Variants in SNX2 observed in about 807,000 individuals in gnomAD.
SNX2 encodes the protein sorting nexin-2.
In SNX2, 25 loss-of-function variants were observed where a neutral mutation model predicts 69.9. That is an observed-to-expected ratio of 0.36 (90% CI 0.26 to 0.50). The LOEUF (loss-of-function observed/expected upper bound fraction) is 0.50, where lower values mean the gene tolerates loss of function less well. Ranked by LOEUF, SNX2 falls within the 20% of genes least tolerant of loss-of-function variation. The pLI, the probability that SNX2 is intolerant of heterozygous loss-of-function variation, is 0.97. For synonymous variants in SNX2, 229 were observed against 200.4 expected (o/e 1.14, Z -1.20); for missense variants, 551 against 613.3 (o/e 0.90, Z 1.07).
intron 1 of SNX2, among the ~76,000 whole-genome samples, chr5:122,781,942 GCT>G (rs1334744497): frequency 6.6e-6 from 1 of 151,858 alleles, no homozygotes; most frequent in African/African-American, 2.4e-5. Flanking sequence ...TATTACCTAT[GCT>G]CTTGAGATTA....
chr5:122,786,523 A>G (rs1178324058), intron 1 of SNX2, among the ~76,000 whole-genome samples: 1 of 152,066 alleles, frequency 6.6e-6, no homozygotes. Flanking sequence ...TCTGCAGCTT[A>G]AAATATACAT....
chr5:122,831,009 CAAAA>C lies in SNX2; in HGVS notation c.*1382_*1385del, dbSNP rs58159922. On this transcript the variant is annotated 3_prime_UTR_variant, in exon 15 of 15. Transcript: ENST00000379516. ...AGGCAACAAAAGCAAAACTCCATCT[CAAAA>C]AAAAAAAAAAAAAAAAAAAAGATGA... 1.0e-3 allele frequency among the ~76,000 whole-genome samples: 65 copies of C among 63,012 alleles called. No homozygotes were observed. Among genetic ancestry groups the C allele is most frequent in the African/African-American group, 1.9e-3 (32 of 16,770 alleles). The allele number at this position is 63,012 out of a possible 152,430, so 41.3% of individuals were successfully genotyped here.
rs1459419667 is a variant in SNX2, at chr5:122,833,989, T to C, written c.*4341T>C. On this transcript the variant is annotated 3_prime_UTR_variant, in exon 15 of 15. Coordinates refer to ENST00000379516, the MANE Select transcript of SNX2 (RefSeq NM_003100.4). ...TATTGCTTGAAGGAAGTTTATAACCTGTCTAGAACAACTTTCTCAATTTTA... is the reference window on the plus strand; with the variant it reads ...TATTGCTTGAAGGAAGTTTATAACCCGTCTAGAACAACTTTCTCAATTTTA... 1.3e-5 allele frequency: 2 copies of C among 152,236 alleles called. No individual in the cohort carries two copies. Among genetic ancestry groups the C allele is most frequent in the Non-Finnish European group, 2.9e-5 (2 of 68,034 alleles). 9.4% of individuals were successfully genotyped at this position (152,236 alleles called of 1,614,324 possible).
At chr5:122,782,628 C>G (rs544382466) in intron 1 of SNX2, among the ~76,000 whole-genome samples, 7 of 152,048 alleles carry the variant, frequency 4.6e-5, no homozygotes, top group African/African-American at 1.7e-4. Flanking sequence ...CCTCCACCTC[C>G]CCAGTTCAAG....
intron 3 of SNX2, among the ~76,000 whole-genome samples, chr5:122,800,450 AG>A (rs2150007758): frequency 6.6e-6 from 1 of 152,350 alleles, no homozygotes; most frequent in Non-Finnish European, 1.5e-5. Context: ...CATAATATTA[AG>A]GGAAATAAGT....
intron 1 of SNX2, among the ~76,000 whole-genome samples, chr5:122,778,268 G>A (rs1050784017): frequency 2.0e-5 from 3 of 152,132 alleles, no homozygotes; most frequent in Non-Finnish European, 4.4e-5. Flanking sequence ...ATTGTGAATA[G>A]TGCTGCAGTA....
At chr5:122,792,383 C>T (rs961788318) in intron 1 of SNX2, among the ~76,000 whole-genome samples, 1 of 152,160 alleles carries the variant, frequency 6.6e-6, no homozygotes, top group African/African-American at 2.4e-5. Context: ...CACCTGAGGT[C>T]AGGATTTCAA....
chr5:122,800,627 T>G (rs1753484801), intron 3 of SNX2, among the ~76,000 whole-genome samples: 1 of 152,230 alleles, frequency 6.6e-6, no homozygotes, highest in South Asian at 2.1e-4. Context: ...GTGATGATGC[T>G]TATTTCTGAT....
intron 1 of SNX2, among the ~76,000 whole-genome samples, chr5:122,782,132 A>AAT: frequency 6.6e-6 from 1 of 152,330 alleles, no homozygotes; most frequent in Non-Finnish European, 1.5e-5. Flanking sequence ...TCATCCCTTT[A>AAT]ATATATATTC....
chr5:122,820,266 T>G (rs1310998381), intron 11 of SNX2, among the ~76,000 whole-genome samples: 44 of 152,166 alleles, frequency 2.9e-4, no homozygotes, highest in African/African-American at 9.4e-4. Flanking sequence ...GGCCGGGCAC[T>G]GTGGCTCACG....
intron 8 of SNX2, 21 bp from the exon 9 acceptor site, chr5:122,816,894 T>G: frequency 6.6e-7 from 1 of 1,510,816 alleles, no homozygotes. Context: ...TTGTTTGCCC[T>G]TATTTGTCAT....
intron 1 of SNX2, among the ~76,000 whole-genome samples, chr5:122,784,366 A>G (rs1236545498): frequency 6.6e-6 from 1 of 151,930 alleles, no homozygotes. Context: ...GCTTAATCAA[A>G]TGAAGTTCTC....
At chr5:122,816,824 G>T in intron 8 of SNX2, 91 bp from the exon 9 acceptor site, 1 of 527,748 alleles carries the variant, frequency 1.9e-6, no homozygotes. Flanking sequence ...ATGTGGGGGG[G>T]AGGGGGGAGG....
intron 6 of SNX2, among the ~76,000 whole-genome samples, chr5:122,805,613 T>G (rs1455559750): frequency 6.6e-6 from 1 of 152,110 alleles, no homozygotes; most frequent in East Asian, 1.9e-4. Flanking sequence ...AAGACCCCTT[T>G]GTAGGGATGG....
At chr5:122,825,001 TACGGTG>T (rs1754121937) in intron 11 of SNX2, among the ~76,000 whole-genome samples, 1 of 152,132 alleles carries the variant, frequency 6.6e-6, no homozygotes, top group Non-Finnish European at 1.5e-5. Flanking sequence ...CCCATGGTCA[TACGGTG>T]ACAAAACTAA....
chr5:122,808,345 G>C lies in SNX2; in HGVS notation c.712G>C (p.Ala238Pro). Residue 238 changes from alanine to proline, a missense_variant, in exon 7 of 15, where the codon GCT (alanine) becomes CCT (proline). Physicochemically the swap from Ala to Pro is conservative, Grantham distance 27 (BLOSUM62 -1). Coordinates refer to ENST00000379516, the MANE Select transcript of SNX2 (RefSeq NM_003100.4). Reference sequence around the variant, plus strand: ...TGAGTTTGTAGAAAAACGGAGAGCAGCTCTTGAAAGGTAATTCTAGACAGC... The same window carrying C: ...TGAGTTTGTAGAAAAACGGAGAGCACCTCTTGAAAGGTAATTCTAGACAGC... ...STEFVEKRRA[A>P]LERYLQRTVK... is the part of the protein sequence containing the mutation. 1 of 1,607,886 alleles carries C rather than the reference G, an allele frequency of 6.2e-7. No homozygotes were observed. Among genetic ancestry groups the C allele is most frequent in the Non-Finnish European group, 8.5e-7 (1 of 1,176,224 alleles).
chr5:122,792,791 A>G (rs1286669238), intron 1 of SNX2, among the ~76,000 whole-genome samples: 1 of 152,196 alleles, frequency 6.6e-6, no homozygotes, highest in East Asian at 1.9e-4. Flanking sequence ...CTGCAAATCA[A>G]TAGGAACAAT....
At chr5:122,795,179 G>A (rs1753349171) in intron 1 of SNX2, 87 bp from the exon 2 acceptor site, 1 of 806,700 alleles carries the variant, frequency 1.2e-6, no homozygotes, top group Admixed American at 2.1e-5. Context: ...CTTTTCAAGA[G>A]AATGTTCTAT....
chr5:122,832,484 CTAATA>C lies in SNX2; in HGVS notation c.*2839_*2843del, dbSNP rs1754315266. On this transcript the variant is annotated 3_prime_UTR_variant, in exon 15 of 15. Coordinates refer to ENST00000379516, the MANE Select transcript of SNX2 (RefSeq NM_003100.4). ...CTATTTTCAAGTATTCAGCTTTATACTAATATATTAATCTCAAAATACCTTTGTTT... is the reference window on the plus strand; with the variant it reads ...CTATTTTCAAGTATTCAGCTTTATACTATTAATCTCAAAATACCTTTGTTT... 6.6e-6 allele frequency: 1 copy of C among 152,076 alleles called. No individual in the cohort carries two copies. The allele number at this position is 152,076 out of a possible 1,614,324, so 9.4% of individuals were successfully genotyped here. A position where few individuals can be genotyped will look rare whatever the true frequency, so the allele number is the denominator to read the frequency against.
Sources: gnomAD v4.1 joint callset for allele counts (sites outside exome capture counted in the v4.1 genomes callset) on GRCh38, gnomAD v4.1.1 for gene constraint, MANE v1.5 for transcripts, NCBI Gene and HGNC (gene_info 2026-07-23, HGNC 2026-07-21) for gene names.